LHFPL3: variants seen among roughly 807,000 people sequenced by gnomAD.
LHFPL3 encodes LHFPL tetraspan subfamily member 3 protein.
A neutral mutation model predicts 19.3 loss-of-function variants in LHFPL3; 5 were observed. The observed-to-expected ratio is 0.26, with a 90% CI of 0.14 to 0.54. LHFPL3 has a LOEUF of 0.54. Ranked by LOEUF, LHFPL3 falls within the 20% of genes least tolerant of loss-of-function variation. LHFPL3 has a pLI of 0.94. For synonymous variants in LHFPL3, 133 were observed against 126.2 expected (o/e 1.05, Z -0.36); for missense variants, 249 against 307.4 (o/e 0.81, Z 1.42).
chr7:104,730,925 A>G (rs1384023835), intron 1 of LHFPL3, among the ~76,000 whole-genome samples: 1 of 152,178 alleles, frequency 6.6e-6, no homozygotes, highest in Non-Finnish European at 1.5e-5. Flanking sequence ...TTTTTGTATA[A>G]GGTGTAAGGA....
intron 2 of LHFPL3, among the ~76,000 whole-genome samples, chr7:104,761,660 G>A (rs1411523109): frequency 2.0e-5 from 3 of 152,182 alleles, no homozygotes; most frequent in African/African-American, 4.8e-5. Context: ...GTTCATAAAC[G>A]CAGGATCCCT....
At chr7:104,730,180 T>A (rs1393221019) in intron 1 of LHFPL3, among the ~76,000 whole-genome samples, 1 of 152,228 alleles carries the variant, frequency 6.6e-6, no homozygotes, top group Non-Finnish European at 1.5e-5. Context: ...ATCTTTGCTG[T>A]TCTGAGTAGT....
chr7:104,698,006 C>T (rs1481165151), intron 1 of LHFPL3, among the ~76,000 whole-genome samples: 1 of 152,158 alleles, frequency 6.6e-6, no homozygotes, highest in Non-Finnish European at 1.5e-5. Flanking sequence ...GAAGGAAAAA[C>T]CTAAATAAGT....
At chr7:104,333,208 C>T (rs1051474212) in intron 1 of LHFPL3, among the ~76,000 whole-genome samples, 1 of 152,150 alleles carries the variant, frequency 6.6e-6, no homozygotes, top group African/African-American at 2.4e-5. Flanking sequence ...TAAGCCATAC[C>T]TTGAATTGTT....
rs139007457 is a variant in LHFPL3 at position 104,421,829 on chromosome 7, C to A, written c.445+92605C>A. ...AATTCATACATTGAAATGCTAACTT[C>A]CAATGTGATGGTGTTAGGAGGTGGG... On this transcript the variant is annotated intron_variant, in intron 1 of 2. Coordinates refer to ENST00000424859, the MANE Select transcript of LHFPL3 (RefSeq NM_199000.3). 9.6e-4 allele frequency among the ~76,000 whole-genome samples: 146 copies of A among 152,292 alleles called. 1 individual carries two copies. The highest frequency in any genetic ancestry group is 7.6e-3 in the Admixed American group (117 of 15,304).
chr7:104,579,517 A>C (rs1262312566), intron 1 of LHFPL3, among the ~76,000 whole-genome samples: 1 of 152,196 alleles, frequency 6.6e-6, no homozygotes, highest in Non-Finnish European at 1.5e-5. Flanking sequence ...ACTGCCTAGT[A>C]GTCCATGGAG....
intron 1 of LHFPL3, among the ~76,000 whole-genome samples, chr7:104,522,050 G>A (rs1449295109): frequency 6.6e-6 from 1 of 151,960 alleles, no homozygotes; most frequent in African/African-American, 2.4e-5. Flanking sequence ...TATACCCAAA[G>A]GACTATAAAT....
chr7:104,389,547 C>A (rs1036103611), intron 1 of LHFPL3, among the ~76,000 whole-genome samples: 1 of 152,024 alleles, frequency 6.6e-6, no homozygotes, highest in Admixed American at 6.6e-5. Context: ...ATAAGAGGTT[C>A]AAAATAATAA....
At chr7:104,524,552 C>G (rs2115823517) in intron 1 of LHFPL3, among the ~76,000 whole-genome samples, 1 of 152,264 alleles carries the variant, frequency 6.6e-6, no homozygotes, top group African/African-American at 2.4e-5. Flanking sequence ...ATCCTCAGGC[C>G]TAGCCCAGTG....
chr7:104,592,496 A>T (rs1790746643), intron 1 of LHFPL3, among the ~76,000 whole-genome samples: 2 of 151,926 alleles, frequency 1.3e-5, no homozygotes, highest in South Asian at 2.1e-4. Context: ...ACCCAGCTGT[A>T]TGAGGTGTCA....
At chr7:104,687,008 T>C (rs1440508150) in intron 1 of LHFPL3, among the ~76,000 whole-genome samples, 2 of 152,120 alleles carry the variant, frequency 1.3e-5, no homozygotes, top group Non-Finnish European at 2.9e-5. Flanking sequence ...AATCACCTCC[T>C]ACAAGGTCCC....
At position 104,457,638 on chromosome 7, in the gene LHFPL3, G is replaced by A. The variant is rs543011720; in HGVS notation, c.445+128414G>A. ...CCTTTGGGTATATACCCAGTAATGG[G>A]ATGGCTGGGTCAAATGGTATTTCTA... On this transcript the variant is annotated intron_variant, in intron 1 of 2. Transcript: ENST00000424859. 2.4e-3 allele frequency among the ~76,000 whole-genome samples: 362 copies of A among 148,484 alleles called. 3 individuals carry two copies. Among genetic ancestry groups the A allele is most frequent in the African/African-American group, 8.0e-3 (320 of 39,760 alleles).
chr7:104,682,500 G>C (rs1461934763), intron 1 of LHFPL3, among the ~76,000 whole-genome samples: 1 of 152,172 alleles, frequency 6.6e-6, no homozygotes, highest in Non-Finnish European at 1.5e-5. Flanking sequence ...GCCCAACATA[G>C]TGCCTGACAG....
chr7:104,464,159 T>C (rs1334825925), intron 1 of LHFPL3, among the ~76,000 whole-genome samples: 1 of 152,246 alleles, frequency 6.6e-6, no homozygotes, highest in Non-Finnish European at 1.5e-5. Context: ...GGGCAGTTAT[T>C]AAACCTTAAA....
chr7:104,552,240 T>G (rs1794674590), intron 1 of LHFPL3, among the ~76,000 whole-genome samples: 1 of 152,180 alleles, frequency 6.6e-6, no homozygotes, highest in Non-Finnish European at 1.5e-5. Flanking sequence ...ATAACCAAGA[T>G]GTGCAGGAAT....
At chr7:104,632,319 G>A (rs1277062500) in intron 1 of LHFPL3, among the ~76,000 whole-genome samples, 1 of 152,088 alleles carries the variant, frequency 6.6e-6, no homozygotes, top group Non-Finnish European at 1.5e-5. Context: ...TAATTAAGTT[G>A]CATAGGACCA....
chr7:104,522,851 C>T lies in LHFPL3; in HGVS notation c.445+193627C>T, dbSNP rs141144582. Among the ~76,000 whole-genome samples the T allele has an allele frequency of 2.1e-3, 327 of 152,152 alleles. 2 individuals are homozygous for T. The highest frequency in any genetic ancestry group is 4.5e-3 in the African/African-American group (185 of 41,528). Reference sequence around the variant, plus strand: ...AAGAAGGAGAGATCAGCAGGACCTTCCAAGCAACAGGGACATGCACAGAGT... The same window carrying T: ...AAGAAGGAGAGATCAGCAGGACCTTTCAAGCAACAGGGACATGCACAGAGT... On this transcript the variant is annotated intron_variant, in intron 1 of 2. Coordinates refer to ENST00000424859, the MANE Select transcript of LHFPL3 (RefSeq NM_199000.3).
At chr7:104,823,201 G>C (rs781304897) in intron 2 of LHFPL3, among the ~76,000 whole-genome samples, 3 of 152,150 alleles carry the variant, frequency 2.0e-5, no homozygotes, top group Non-Finnish European at 2.9e-5. Context: ...GAAGAAATGG[G>C]CCCACTCCAA....
intron 1 of LHFPL3, among the ~76,000 whole-genome samples, chr7:104,642,257 C>T (rs1054062417): frequency 2.0e-5 from 3 of 151,958 alleles, no homozygotes; most frequent in South Asian, 2.1e-4. Context: ...AGACTGGTCT[C>T]GAACTCCTTG....
Sources: gnomAD v4.1 joint callset for allele counts (sites outside exome capture counted in the v4.1 genomes callset) on GRCh38, gnomAD v4.1.1 for gene constraint, MANE v1.5 for transcripts, NCBI Gene and HGNC (gene_info 2026-07-23, HGNC 2026-07-21) for gene names.